Variants in SRGAP2 observed in about 807,000 individuals in gnomAD.
SRGAP2 encodes the protein SLIT-ROBO Rho GTPase-activating protein 2.
Under a neutral mutation model 57.2 loss-of-function variants are expected in SRGAP2, and 15 were observed. That is an observed-to-expected ratio of 0.26 (90% CI 0.18 to 0.40). SRGAP2 has a LOEUF of 0.40. SRGAP2 is among the 10% of genes least tolerant of loss of function. The pLI, the probability that SRGAP2 is intolerant of heterozygous loss-of-function variation, is 1.00. For missense variants in SRGAP2, 520 were observed against 669.6 expected (o/e 0.78, Z 2.47); for synonymous variants, 249 against 248.0 (o/e 1.00, Z -0.04).
chr1:206,424,926 T>C (rs1418183672), intron 13 of SRGAP2, among the ~76,000 whole-genome samples: 1 of 152,232 alleles, frequency 6.6e-6, no homozygotes, highest in Non-Finnish European at 1.5e-5. Flanking sequence ...ACAGGTCATC[T>C]TTAGCCCACC....
intron 4 of SRGAP2, among the ~76,000 whole-genome samples, chr1:206,366,791 GAA>G (rs1654054293): frequency 6.7e-6 from 1 of 148,744 alleles, no homozygotes; most frequent in Non-Finnish European, 1.5e-5. Context: ...ATTGTTGCCT[GAA>G]CTCTGTAGGG....
intron 11 of SRGAP2, among the ~76,000 whole-genome samples, chr1:206,416,540 G>T (rs929689042): frequency 6.6e-6 from 1 of 152,172 alleles, no homozygotes; most frequent in South Asian, 2.1e-4. Flanking sequence ...GGTGCTGAAT[G>T]GACTGTCTTG....
At chr1:206,230,582 T>C (rs1406935278) in intron 2 of SRGAP2, among the ~76,000 whole-genome samples, 1 of 151,950 alleles carries the variant, frequency 6.6e-6, no homozygotes, top group African/African-American at 2.4e-5. Flanking sequence ...GTGCTAGAGA[T>C]AGAGTTATTA....
intron 4 of SRGAP2, among the ~76,000 whole-genome samples, chr1:206,347,754 T>G (rs1484746215): frequency 6.7e-6 from 1 of 148,752 alleles, no homozygotes; most frequent in East Asian, 1.9e-4. Flanking sequence ...TTCAGATATT[T>G]CACTTAGTTA....
chr1:206,306,771 A>G (rs1427835508), intron 3 of SRGAP2, among the ~76,000 whole-genome samples: 1 of 152,352 alleles, frequency 6.6e-6, no homozygotes, highest in East Asian at 1.9e-4. Flanking sequence ...CCACCAGAGC[A>G]GCTAGATACA....
chr1:206,458,910 A>C lies in SRGAP2; in HGVS notation c.2795A>C (p.Asn932Thr). Reference protein sequence around the residue: ...TATAGRSKSFNNHRPMDPEVI... With the variant: ...TATAGRSKSFTNHRPMDPEVI... Reference sequence around the variant, plus strand: ...ACAGCGGGAAGGTCAAAAAGCTTCAATAACCATCGGCCCATGGACCCTGAG... The same window carrying C: ...ACAGCGGGAAGGTCAAAAAGCTTCACTAACCATCGGCCCATGGACCCTGAG... Residue 932 changes from asparagine (N) to threonine (T), a missense_variant, in exon 22 of 23, where the codon AAT becomes ACT. By Grantham distance (65) the Asn-to-Thr change is moderately conservative. Coordinates refer to ENST00000573034, the MANE Select transcript of SRGAP2 (RefSeq NM_015326.5). The C allele has an allele frequency of 1.3e-6, 1 of 779,110 alleles. No homozygotes were observed. Among genetic ancestry groups the C allele is most frequent in the Non-Finnish European group, 2.4e-6 (1 of 417,164 alleles). 48.3% of individuals were successfully genotyped at this position (779,110 alleles called of 1,614,324 possible). A position where few individuals can be genotyped will look rare whatever the true frequency, so the allele number is the denominator to read the frequency against.
intron 14 of SRGAP2, among the ~76,000 whole-genome samples, chr1:206,433,515 C>T (rs1661451298): frequency 6.6e-6 from 1 of 151,918 alleles, no homozygotes; most frequent in African/African-American, 2.4e-5. Flanking sequence ...GTGTTGGGCA[C>T]CTGTAATCCC....
rs1489255492 is a variant in SRGAP2 at position 206,449,286 on chromosome 1, A to ATTTTTTTGTTTT, written c.2100-1093_2100-1092insGTTTTTTTTTTT. ...ATTTCTCGATTCCTTACACTGGATG[A>ATTTTTTTGTTTT]TTTTTTTTTTTTTTTTTTTTTTTTA... On this transcript the variant is annotated intron_variant, in intron 18 of 22. Coordinates refer to ENST00000573034, the MANE Select transcript of SRGAP2 (RefSeq NM_015326.5). Among the ~76,000 whole-genome samples, 16 of 110,676 alleles carry ATTTTTTTGTTTT rather than the reference A, an allele frequency of 1.4e-4. 1 individual carries two copies. Among genetic ancestry groups the ATTTTTTTGTTTT allele is most frequent in the African/African-American group, 2.2e-4 (6 of 27,122 alleles). 72.6% of individuals were successfully genotyped at this position (110,676 alleles called of 152,430 possible). A position where few individuals can be genotyped will look rare whatever the true frequency, so the allele number is the denominator to read the frequency against.
chr1:206,362,646 TA>T (rs1553340842), intron 4 of SRGAP2, among the ~76,000 whole-genome samples: 1 of 146,104 alleles, frequency 6.8e-6, no homozygotes, highest in Admixed American at 6.9e-5. Flanking sequence ...CCTAACTTTG[TA>T]ACCTGTCTAG....
At chr1:206,398,298 G>T (rs1393912771) in intron 7 of SRGAP2, among the ~76,000 whole-genome samples, 1 of 151,966 alleles carries the variant, frequency 6.6e-6, no homozygotes, top group South Asian at 2.1e-4. Flanking sequence ...TTCGCTGAAG[G>T]CTCGGTTTCT....
chr1:206,305,674 G>GAATA (rs1672149739), intron 3 of SRGAP2, among the ~76,000 whole-genome samples: 1 of 150,472 alleles, frequency 6.6e-6, no homozygotes, highest in Non-Finnish European at 1.5e-5. Context: ...AAATATTGTG[G>GAATA]AATAAATAAA....
In SRGAP2 at chr1:206,306,472, C is replaced by T. The variant is rs1159543854; in HGVS notation, c.260+2999C>T. Among the ~76,000 whole-genome samples the T allele has an allele frequency of 7.0e-3, 1,058 of 152,202 alleles. 13 individuals carry two copies. Among genetic ancestry groups the T allele is most frequent in the African/African-American group, 0.024 (1,004 of 41,536 alleles). On this transcript the variant is annotated intron_variant, in intron 3 of 22. Coordinates refer to ENST00000573034, the MANE Select transcript of SRGAP2 (RefSeq NM_015326.5). Reference sequence around the variant, plus strand: ...TGAGTGTTACAGCTCATAAAAGCAGCGTGGACCCAAAAAGTGAGCACTAGC... The same window carrying T: ...TGAGTGTTACAGCTCATAAAAGCAGTGTGGACCCAAAAAGTGAGCACTAGC...
chr1:206,279,740 A>G (rs1670623568), intron 2 of SRGAP2, among the ~76,000 whole-genome samples: 1 of 151,356 alleles, frequency 6.6e-6, no homozygotes. Context: ...TTTCTCTACT[A>G]CCTAATACTT....
chr1:206,315,992 G>T (rs1553325898), intron 3 of SRGAP2, among the ~76,000 whole-genome samples: 1 of 142,426 alleles, frequency 7.0e-6, no homozygotes, highest in South Asian at 2.3e-4. Context: ...ATCAGGAAAA[G>T]TCAATCCTGA....
intron 7 of SRGAP2, among the ~76,000 whole-genome samples, chr1:206,397,593 C>G (rs1657719665): frequency 6.9e-6 from 1 of 144,450 alleles, no homozygotes; most frequent in South Asian, 2.2e-4. Context: ...AAACTTCAGA[C>G]TGTAGGAATC....
intron 17 of SRGAP2, among the ~76,000 whole-genome samples, chr1:206,445,178 G>T (rs1447129778): frequency 1.3e-5 from 2 of 152,220 alleles, no homozygotes; most frequent in African/African-American, 4.8e-5. Context: ...TCACAGCTCT[G>T]CAGGCTGTGT....
In SRGAP2 at chr1:206,461,219, G is replaced by A. The variant is rs1370043834; in HGVS notation, c.3015G>A (p.Glu1005=). 2 of 780,510 alleles carry A rather than the reference G, an allele frequency of 2.6e-6. No homozygotes were observed. Among genetic ancestry groups the A allele is most frequent in the South Asian group, 1.3e-5 (1 of 74,586 alleles). 48.3% of individuals were successfully genotyped at this position (780,510 alleles called of 1,614,324 possible). The change falls in exon 23 of 23, where the codon GAG becomes GAA. Residue 1005 remains glutamate (E), a synonymous_variant. Transcript: ENST00000573034. ...ACACCCAGCTCCTCAAGGACCCCGA[G>A]CCCGCCTTCCAGCGCAGCGCCAGTA... ...PLHTQLLKDP[E]PAFQRSASTA...
intron 13 of SRGAP2, among the ~76,000 whole-genome samples, chr1:206,423,703 A>G (rs1332533741): frequency 1.3e-5 from 2 of 151,260 alleles, no homozygotes; most frequent in African/African-American, 4.9e-5. Context: ...TACCTAACAA[A>G]AACTCTAACC....
intron 2 of SRGAP2, among the ~76,000 whole-genome samples, chr1:206,241,917 T>C (rs1316534030): frequency 1.6e-5 from 2 of 125,840 alleles, no homozygotes; most frequent in African/African-American, 7.0e-5. Flanking sequence ...TTTGCGTGTG[T>C]GTGTGTGTGT....
Sources: allele counts gnomAD v4.1 joint callset (sites outside exome capture counted in the v4.1 genomes callset), GRCh38; gene constraint gnomAD v4.1.1; transcripts MANE v1.5; gene names NCBI Gene and HGNC (gene_info 2026-07-23, HGNC 2026-07-21).